The following NOTCH2 variants were observed in gnomAD, a reference collection of about 807,000 sequenced individuals.
NOTCH2 encodes neurogenic locus notch homolog protein 2.
A neutral mutation model predicts 235.8 loss-of-function variants in NOTCH2; 29 were observed. The ratio of observed to expected loss-of-function variants is 0.12; its 90% CI spans 0.09 to 0.17. NOTCH2 has a LOEUF of 0.17. Among genes scored for constraint, NOTCH2 ranks in the 10% least tolerant of loss-of-function variants. The probability of loss-of-function intolerance (pLI) is 1.00; values close to 1 mark genes in which losing one functional copy is unlikely to be tolerated. For missense variants in NOTCH2, 2,285 were observed against 3,150.2 expected (o/e 0.73, Z 6.57); for synonymous variants, 1,086 against 1,141.5 (o/e 0.95, Z 0.98).
intron 1 of NOTCH2, among the ~76,000 whole-genome samples, chr1:120,048,085 C>T (rs1654868924): frequency 6.6e-6 from 1 of 151,226 alleles, no homozygotes; most frequent in Non-Finnish European, 1.5e-5. Context: ...ACTTACCTTT[C>T]TAAGGCCTAC....
chr1:119,930,962 G>A (rs1221163926), intron 22 of NOTCH2, among the ~76,000 whole-genome samples: 1 of 151,258 alleles, frequency 6.6e-6, no homozygotes, highest in Non-Finnish European at 1.5e-5. Flanking sequence ...AATTAGCCAG[G>A]CATGGTGGCG....
chr1:120,063,752 A>T (rs1373398020), intron 1 of NOTCH2, among the ~76,000 whole-genome samples: 2 of 152,174 alleles, frequency 1.3e-5, no homozygotes, highest in Non-Finnish European at 2.9e-5. Flanking sequence ...AACTTTCCTA[A>T]TGTAAGAATC....
rs1422943762 is a variant in NOTCH2 at position 119,964,457 on chromosome 1, CTT to C, written c.1682-652_1682-651del. 1.2e-4 allele frequency among the ~76,000 whole-genome samples: 18 copies of C among 152,180 alleles called. 1 individual carries two copies. The highest frequency in any genetic ancestry group is 9.2e-4 in the Admixed American group (14 of 15,280). On this transcript the variant is annotated intron_variant, in intron 10 of 33. Coordinates refer to ENST00000256646, the MANE Select transcript of NOTCH2 (RefSeq NM_024408.4). ...AACCTGAGCTAAAGGTTTTTAATCT[CTT>C]TGAAACTTATCCTCTACAAGAAGAA...
At position 119,950,778 on chromosome 1, in the gene NOTCH2, T is replaced by A; in HGVS notation, c.2425A>T (p.Thr809Ser). The A allele has an allele frequency of 1.2e-6, 2 of 1,614,174 alleles. No individual in the cohort carries two copies. The highest frequency in any genetic ancestry group is 2.2e-5 in the South Asian group (2 of 91,084). The part of the protein sequence containing the change: ...CASNPCLNQG[T>S]CFDDISGYTC... ...TAGCCACTTATGTCATCAAAGCAGG[T>A]TCCTTGGTTCAGGCATGGATTTGAG... The change falls in exon 15 of 34, where the codon ACC becomes TCC. Residue 809 changes from threonine to serine, a missense_variant. Coordinates refer to ENST00000256646, the MANE Select transcript of NOTCH2 (RefSeq NM_024408.4).
chr1:119,969,825 C>A, intron 5 of NOTCH2, 81 bp from the exon 6 acceptor site: 1 of 1,221,000 alleles, frequency 8.2e-7, no homozygotes, highest in South Asian at 1.3e-5. Context: ...CACTCTTCAT[C>A]TTCATGTGAC....
chr1:119,921,250 T>C lies in NOTCH2; in HGVS notation c.5310+463A>G, dbSNP rs58918468. Among the ~76,000 whole-genome samples the C allele has an allele frequency of 6.0e-4, 92 of 152,334 alleles. 1 individual carries two copies. The East Asian group carries it at 0.015, about 25-fold the overall frequency. Reference sequence around the variant, plus strand: ...CACTTGCTTTTATATGGCTTTAGTTTCCTGGGCTCAAGGTATGGAGCCTCC... The same window carrying C: ...CACTTGCTTTTATATGGCTTTAGTTCCCTGGGCTCAAGGTATGGAGCCTCC... On this transcript the variant is annotated intron_variant, in intron 29 of 33. Coordinates refer to ENST00000256646, the MANE Select transcript of NOTCH2 (RefSeq NM_024408.4).
intron 19 of NOTCH2, among the ~76,000 whole-genome samples, chr1:119,939,009 C>T (rs1649967914): frequency 1.3e-5 from 2 of 152,136 alleles, no homozygotes; most frequent in African/African-American, 2.4e-5. Flanking sequence ...CTCACTTACT[C>T]CAGTTCAGGT....
At chr1:119,924,723 C>T (rs944817155) in intron 25 of NOTCH2, among the ~76,000 whole-genome samples, 8 of 152,120 alleles carry the variant, frequency 5.3e-5, no homozygotes, top group Admixed American at 4.6e-4. Context: ...GTTCTTTAAC[C>T]CTTGGGCCTA....
intron 30 of NOTCH2, 81 bp downstream of exon 30, chr1:119,920,148 G>A: frequency 6.5e-7 from 1 of 1,528,778 alleles, no homozygotes; most frequent in South Asian, 1.1e-5. Flanking sequence ...TTTATGACTG[G>A]ACAGGGCAAA....
At chr1:119,925,861 T>C (rs755139745) in intron 24 of NOTCH2, 51 bp from the exon 25 acceptor site, 38 of 1,605,744 alleles carry the variant, frequency 2.4e-5, no homozygotes, top group Non-Finnish European at 3.0e-5. Context: ...AAAACAGTCA[T>C]ATTGGAAGTT....
chr1:119,926,388 G>C, intron 24 of NOTCH2, 111 bp downstream of exon 24: 1 of 879,124 alleles, frequency 1.1e-6, no homozygotes, highest in Non-Finnish European at 1.9e-6. Flanking sequence ...AGCTAAAATT[G>C]AGAAATCTTC....
chr1:119,976,812 C>G (rs1004972406), intron 5 of NOTCH2, among the ~76,000 whole-genome samples: 6 of 152,078 alleles, frequency 3.9e-5, no homozygotes, highest in African/African-American at 1.4e-4. Flanking sequence ...CATTCTTTCC[C>G]TCCTCAGTGG....
At chr1:120,041,860 A>G (rs1244539870) in intron 1 of NOTCH2, among the ~76,000 whole-genome samples, 28 of 132,360 alleles carry the variant, frequency 2.1e-4, no homozygotes, top group African/African-American at 5.9e-4. Context: ...GAAAAGAAAG[A>G]AAAGAAAAGA....
intron 2 of NOTCH2, among the ~76,000 whole-genome samples, chr1:120,008,893 A>T (rs1369139164): frequency 1.3e-5 from 2 of 152,196 alleles, no homozygotes; most frequent in Non-Finnish European, 2.9e-5. Context: ...TAAGTAAAAG[A>T]TGCACAATAG....
At chr1:120,027,877 C>T (rs1369792842) in intron 2 of NOTCH2, among the ~76,000 whole-genome samples, 10 of 145,672 alleles carry the variant, frequency 6.9e-5, no homozygotes, top group African/African-American at 2.7e-4. Context: ...AGTCTATCAC[C>T]GTTGGGCATT....
chr1:119,968,669 T>C (rs1651245206), intron 6 of NOTCH2, among the ~76,000 whole-genome samples: 1 of 152,252 alleles, frequency 6.6e-6, no homozygotes, highest in Non-Finnish European at 1.5e-5. Context: ...CCCAATATTA[T>C]GCTACCTGAT....
Position 119,915,661 on chromosome 1 carries a change from G to A in NOTCH2, c.7061C>T (p.Pro2354Leu). 6.2e-7 allele frequency: 1 copy of A among 1,613,958 alleles called. No homozygotes were observed. Among genetic ancestry groups the A allele is most frequent in the Non-Finnish European group, 8.5e-7 (1 of 1,179,948 alleles). ...GTCCTGCTGGGGCATCATGGCAGTG[G>A]GGAAAGCCACACTGGGCAAACGGGC... ...EMARLPSVAF[P>L]TAMMPQQDGQ... The change falls in exon 34 of 34, where the codon CCC (proline) becomes CTC (leucine). Residue 2354 changes from proline to leucine, a missense_variant. Pro to Leu is a moderately conservative substitution (Grantham distance 98). This residue lies in a region of NOTCH2 where 504 missense variants were observed against 538.0 expected (regional missense o/e 0.94). Coordinates refer to ENST00000256646, the MANE Select transcript of NOTCH2 (RefSeq NM_024408.4).
chr1:119,916,408 C>T lies in NOTCH2; in HGVS notation c.6314G>A (p.Arg2105Gln), dbSNP rs587650529. The T allele has an allele frequency of 7.4e-6, 12 of 1,614,148 alleles. No homozygotes were observed. Among genetic ancestry groups the T allele is most frequent in the South Asian group, 3.3e-5 (3 of 91,092 alleles). ...AGGCATGGTACTCTTGGCACTGGGC[C>T]GTCTAGACTTCTTGCCCATTGGGGT... ...KHTPMGKKSR[R>Q]PSAKSTMPTS... Residue 2105 changes from arginine to glutamine, a missense_variant, in exon 34 of 34, where the codon CGG becomes CAG. Arg to Gln is a conservative substitution (Grantham distance 43). Around this residue, in one of 6 missense-constraint regions of NOTCH2, gnomAD observed 504 missense variants for 538.0 expected, o/e 0.94. Transcript: ENST00000256646.
chr1:120,069,188 A>G, intron 1 of NOTCH2, 146 bp downstream of exon 1: 1 of 1,527,912 alleles, frequency 6.5e-7, no homozygotes, highest in African/African-American at 1.4e-5. Flanking sequence ...GCGATGTCCA[A>G]ACTCTTGGGA....
Sources: gnomAD v4.1 joint callset for allele counts (sites outside exome capture counted in the v4.1 genomes callset) on GRCh38, gnomAD v4.1.1 for gene constraint, gnomAD v4.1.1 regional missense constraint, MANE v1.5 for transcripts, NCBI Gene and HGNC (gene_info 2026-07-23, HGNC 2026-07-21) for gene names.